Variants in SGTA observed in about 807,000 individuals in gnomAD.
The protein encoded by SGTA is small glutamine-rich tetratricopeptide repeat-containing protein alpha.
SGTA carries 22 observed loss-of-function variants against 44.3 expected under a neutral mutation model. The ratio of observed to expected loss-of-function variants is 0.50; its 90% CI spans 0.36 to 0.71. The LOEUF is 0.71. SGTA is among the 30% of genes least tolerant of loss of function. SGTA has a pLI of 0.00. For synonymous variants in SGTA, 174 were observed against 177.6 expected (o/e 0.98, Z 0.16); for missense variants, 341 against 435.9 (o/e 0.78, Z 1.94).
intron 2 of SGTA, among the ~76,000 whole-genome samples, chr19:2,768,551 G>T (rs1915214037): frequency 6.6e-6 from 1 of 152,232 alleles, no homozygotes; most frequent in African/African-American, 2.4e-5. Context: ...AAGGCACCTG[G>T]GGAGCGGACA....
In SGTA at chr19:2,767,427, G is replaced by A. The variant is rs1915176426; in HGVS notation, c.207+153C>T. Among the ~76,000 whole-genome samples, 1 of 152,200 alleles carries A rather than the reference G, an allele frequency of 6.6e-6. No homozygotes were observed. Among genetic ancestry groups the A allele is most frequent in the Non-Finnish European group, 1.5e-5 (1 of 68,032 alleles). ...AGGACCCGCCGATAGGGGGAGGAGG[G>A]CCAAGTGCTCCTGCAGCCACGTCCC... On this transcript the variant is annotated intron_variant, in intron 3 of 11. Transcript: ENST00000221566. The surrounding 1 kb of genome is among the most constrained non-coding windows in gnomAD (Gnocchi z 7.3).
chr19:2,769,060 G>C lies in SGTA; in HGVS notation c.9C>G (p.Asn3Lys), dbSNP rs1165327590. The C allele has an allele frequency of 6.2e-7, 1 of 1,613,786 alleles. No individual in the cohort carries two copies. The highest frequency in any genetic ancestry group is 1.1e-5 in the South Asian group (1 of 91,086). ...TGATGGCGTAGGCCAGGCGCTTCTT[G>C]TTGTCCATCTTGAGCCCAGAAGAGG... MDNKKRLAYAIIQ... is the reference protein window; with the variant it reads MDKKKRLAYAIIQ... The change falls in exon 2 of 12, where the codon AAC becomes AAG. Residue 3 changes from asparagine to lysine, a missense_variant. By Grantham distance (94) the Asn-to-Lys change is moderately conservative. Transcript: ENST00000221566.
At chr19:2,769,133 C>A (rs1915230705) in intron 1 of SGTA, 42 bp from the exon 2 acceptor site, 1 of 1,302,802 alleles carries the variant, frequency 7.7e-7, no homozygotes, top group South Asian at 1.2e-5. Context: ...CCCTCACACT[C>A]CCCACTCCAG....
rs1336223254 is a variant in SGTA at position 2,781,474 on chromosome 19, G to A, written c.-24+1759C>T. Among the ~76,000 whole-genome samples the A allele has an allele frequency of 2.6e-5, 4 of 152,180 alleles. No homozygotes were observed. In the East Asian group the frequency reaches 7.7e-4, roughly 29 times the overall value. On this transcript the variant is annotated intron_variant, in intron 1 of 11. Transcript: ENST00000221566. ...AACTACAGGTAACGCATAAACCAAG[G>A]AGTGTGGCTGTGTTCCTACAAACCT...
intron 9 of SGTA, among the ~76,000 whole-genome samples, chr19:2,758,581 G>A (rs1914895666): frequency 6.6e-6 from 1 of 152,080 alleles, no homozygotes; most frequent in South Asian, 2.1e-4. Flanking sequence ...GCTCCCCAGT[G>A]CGCACAGCGC....
Position 2,763,851 on chromosome 19 carries a change from A to G in SGTA, c.393-94T>C, listed in dbSNP as rs1046025116. 2.0e-5 allele frequency: 19 copies of G among 942,816 alleles called. No homozygotes were observed. Among genetic ancestry groups the G allele is most frequent in the Non-Finnish European group, 2.9e-5 (18 of 621,658 alleles). 58.4% of individuals were successfully genotyped at this position (942,816 alleles called of 1,614,324 possible). On this transcript the variant is annotated intron_variant, in intron 5 of 11. Transcript: ENST00000221566. This position sits in a 1 kb window ranked among gnomAD's most constrained non-coding sequence, Gnocchi z 5.8. ...AGCCTGAGAGCTGCGTTCCTCTCCAACTTCCTGGAGGAACGGCCTCAGTTT... is the reference window on the plus strand; with the variant it reads ...AGCCTGAGAGCTGCGTTCCTCTCCAGCTTCCTGGAGGAACGGCCTCAGTTT...
Position 2,773,890 on chromosome 19 carries a change from C to T in SGTA, c.-23-4799G>A, listed in dbSNP as rs111813649. Among the ~76,000 whole-genome samples the T allele has an allele frequency of 5.4e-5, 4 of 74,578 alleles. 1 individual carries two copies. 48.9% of individuals were successfully genotyped at this position (74,578 alleles called of 152,430 possible). ...GGCAGAGGTGGGTGACACGGCCACA[C>T]GGCAGGGACTCCGAGGGCAGAGATG... On this transcript the variant is annotated intron_variant, in intron 1 of 11. Coordinates refer to ENST00000221566, the MANE Select transcript of SGTA (RefSeq NM_003021.4).
In SGTA at chr19:2,767,560, G is replaced by A. The variant is rs1222217132; in HGVS notation, c.207+20C>T. ...TGTTCTTATTTTGGGGGCAGTGGCT[G>A]GGGAAGCATCGAGGCTCACCTTGCC... On this transcript the variant is annotated intron_variant, in intron 3 of 11. Coordinates refer to ENST00000221566, the MANE Select transcript of SGTA (RefSeq NM_003021.4). The surrounding 1 kb of genome is among the most constrained non-coding windows in gnomAD (Gnocchi z 7.3). 1.3e-6 allele frequency: 2 copies of A among 1,594,418 alleles called. No homozygotes were observed. Among genetic ancestry groups the A allele is most frequent in the Non-Finnish European group, 1.7e-6 (2 of 1,163,494 alleles).
At chr19:2,762,752 G>A in intron 6 of SGTA, 108 bp from the exon 7 acceptor site, 1 of 1,333,460 alleles carries the variant, frequency 7.5e-7, no homozygotes, top group Non-Finnish European at 1.0e-6. Context: ...CACCTCGGAT[G>A]GTGCCACCCC....
At chr19:2,762,678 T>A (rs1215799835) in intron 6 of SGTA, 34 bp from the exon 7 acceptor site, 2 of 1,610,044 alleles carry the variant, frequency 1.2e-6, no homozygotes, top group East Asian at 4.5e-5. Context: ...ACTGTTCCCA[T>A]CTGCCCAGCT....
At chr19:2,772,204 CAGGCTGGGTCAGACAGGGCCTGGCCAAG>C (rs1915328650) in intron 1 of SGTA, among the ~76,000 whole-genome samples, 1 of 152,232 alleles carries the variant, frequency 6.6e-6, no homozygotes, top group Non-Finnish European at 1.5e-5. Context: ...CGCTCGGATT[CAGGCTGGGTCAGACAGGGCCTGGCCAAG>C]AGGCCGCCAG....
intron 4 of SGTA, among the ~76,000 whole-genome samples, chr19:2,766,757 G>GTGAA (rs1368153300): frequency 1.3e-5 from 2 of 151,896 alleles, no homozygotes; most frequent in Admixed American, 1.3e-4. Flanking sequence ...TTTGACTCTT[G>GTGAA]TGAATACAGC....
At chr19:2,775,437 C>T (rs1425907551) in intron 1 of SGTA, among the ~76,000 whole-genome samples, 1 of 152,242 alleles carries the variant, frequency 6.6e-6, no homozygotes, top group Non-Finnish European at 1.5e-5. Context: ...ATGACACCGG[C>T]GACGTGGACC....
At chr19:2,760,716 A>C (rs1233469696) in intron 8 of SGTA, among the ~76,000 whole-genome samples, 1 of 152,174 alleles carries the variant, frequency 6.6e-6, no homozygotes, top group Non-Finnish European at 1.5e-5. Context: ...CAGCTTGGCC[A>C]GCGGACGAGG....
chr19:2,770,292 T>A (rs2144732987), intron 1 of SGTA: 1 of 153,198 alleles, frequency 6.5e-6, no homozygotes, highest in South Asian at 2.0e-4. Context: ...TGTTCTGGAA[T>A]CTGGAGCTGT....
intron 1 of SGTA, among the ~76,000 whole-genome samples, chr19:2,776,019 C>G (rs1293553202): frequency 6.6e-6 from 1 of 152,122 alleles, no homozygotes; most frequent in Admixed American, 6.5e-5. Context: ...TGCCTAGAGC[C>G]GGCGGGCAGC....
intron 4 of SGTA, among the ~76,000 whole-genome samples, chr19:2,766,358 G>C (rs1340807380): frequency 5.9e-5 from 9 of 151,864 alleles, no homozygotes; most frequent in Admixed American, 5.9e-4. Flanking sequence ...CGTGTAGATG[G>C]GCCATGCTGT....
rs541036928 is a variant in SGTA, at chr19:2,755,870, T to C, written c.*70A>G. ...TCTCAGGCAGTCCAACAGGAGGAAGTGGCAGACAACCAGAAGGCTTCCTTC... is the reference window on the plus strand; with the variant it reads ...TCTCAGGCAGTCCAACAGGAGGAAGCGGCAGACAACCAGAAGGCTTCCTTC... On this transcript the variant is annotated 3_prime_UTR_variant, in exon 12 of 12. Coordinates refer to ENST00000221566, the MANE Select transcript of SGTA (RefSeq NM_003021.4). The surrounding 1 kb of genome is among the most constrained non-coding windows in gnomAD (Gnocchi z 5.2). 35 of 985,496 alleles carry C rather than the reference T, an allele frequency of 3.6e-5. No individual in the cohort carries two copies. The highest frequency in any genetic ancestry group is 1.0e-3 in the Middle Eastern group (2 of 1,914). 61.0% of individuals were successfully genotyped at this position (985,496 alleles called of 1,614,324 possible).
rs1319241293 is a variant in SGTA at position 2,761,292 on chromosome 19, G to A, written c.699+168C>T. On this transcript the variant is annotated intron_variant, in intron 8 of 11. Coordinates refer to ENST00000221566, the MANE Select transcript of SGTA (RefSeq NM_003021.4). This position sits in a 1 kb window ranked among gnomAD's most constrained non-coding sequence, Gnocchi z 5.7. ...ACATGGGGCGGGTGAGGCCAGGGGT[G>A]CTGCCAGCGCCCTGCGGTGCCCAGG... Among the ~76,000 whole-genome samples the A allele has an allele frequency of 1.3e-5, 2 of 152,190 alleles. No individual in the cohort carries two copies. Among genetic ancestry groups the A allele is most frequent in the Non-Finnish European group, 2.9e-5 (2 of 68,022 alleles).
Sources: gnomAD v4.1 joint callset for allele counts (sites outside exome capture counted in the v4.1 genomes callset) on GRCh38, gnomAD v4.1.1 for gene constraint, Gnocchi (gnomAD v3.1) non-coding constraint, MANE v1.5 for transcripts, NCBI Gene and HGNC (gene_info 2026-07-23, HGNC 2026-07-21) for gene names.